PPP1R13B: variants seen among roughly 807,000 people sequenced by gnomAD.
The protein encoded by PPP1R13B is protein phosphatase 1 regulatory subunit 13B, also known as apoptosis-stimulating of p53 protein 1.
Under a neutral mutation model 119.8 loss-of-function variants are expected in PPP1R13B, and 44 were observed. The ratio of observed to expected loss-of-function variants is 0.37; its 90% CI spans 0.29 to 0.47. The LOEUF (loss-of-function observed/expected upper bound fraction) is 0.47, where lower values mean the gene tolerates loss of function less well. PPP1R13B is among the 20% of genes least tolerant of loss of function. The probability of loss-of-function intolerance (pLI) is 0.99; values close to 1 mark genes in which losing one functional copy is unlikely to be tolerated. For synonymous variants in PPP1R13B, 542 were observed against 561.5 expected, an observed-to-expected ratio of 0.97 and a Z score of 0.49; for missense variants, 1,227 against 1,413.5, an observed-to-expected ratio of 0.87 and a Z score of 2.12.
intron 1 of PPP1R13B, among the ~76,000 whole-genome samples, chr14:103,810,658 G>C (rs1414334867): frequency 6.6e-6 from 1 of 151,962 alleles, no homozygotes; most frequent in African/African-American, 2.4e-5. Flanking sequence ...TGTAGTCCCA[G>C]CTACTCGGGA....
upstream of PPP1R13B, chr14:103,848,246 C>T (rs1190132288): frequency 1.0e-6 from 1 of 985,150 alleles, no homozygotes; most frequent in Non-Finnish European, 1.2e-6. Context: ...TAGAACCCCG[C>T]GCCCACCTGT....
intron 5 of PPP1R13B, among the ~76,000 whole-genome samples, chr14:103,756,173 C>A (rs1233151123): frequency 1.3e-5 from 2 of 151,970 alleles, no homozygotes; most frequent in African/African-American, 4.8e-5. Flanking sequence ...CAGCTCACTG[C>A]AACCTCCACC....
chr14:103,755,412 T>C (rs1249246571), intron 5 of PPP1R13B, among the ~76,000 whole-genome samples: 4 of 152,248 alleles, frequency 2.6e-5, no homozygotes, highest in African/African-American at 4.8e-5. Flanking sequence ...TCAGGATTAT[T>C]TTCTTCAATA....
chr14:103,841,670 T>A (rs975540789), intron 1 of PPP1R13B, among the ~76,000 whole-genome samples: 3 of 152,172 alleles, frequency 2.0e-5, no homozygotes, highest in Non-Finnish European at 4.4e-5. Context: ...GGCTGTAAAA[T>A]CAAGCTTATC....
intron 1 of PPP1R13B, among the ~76,000 whole-genome samples, chr14:103,842,191 A>G (rs2086924310): frequency 6.6e-6 from 1 of 152,166 alleles, no homozygotes; most frequent in African/African-American, 2.4e-5. Flanking sequence ...AACATGCTGA[A>G]AGGGCTCCTA....
intron 1 of PPP1R13B, among the ~76,000 whole-genome samples, chr14:103,827,330 CA>C (rs981089546): frequency 6.6e-6 from 1 of 150,910 alleles, no homozygotes. Flanking sequence ...AGCGAGACTC[CA>C]AAAAAAAGAC....
chr14:103,770,845 G>T (rs2085050485), intron 4 of PPP1R13B, among the ~76,000 whole-genome samples: 1 of 152,178 alleles, frequency 6.6e-6, no homozygotes, highest in Non-Finnish European at 1.5e-5. Flanking sequence ...AAAATAAAGA[G>T]AAACCAGAAA....
At chr14:103,797,237 T>C in intron 2 of PPP1R13B, 134 bp downstream of exon 2, 1 of 783,346 alleles carries the variant, frequency 1.3e-6, no homozygotes, top group Non-Finnish European at 2.0e-6. Flanking sequence ...ATTTGATAAA[T>C]ACTAAATTAT....
intron 2 of PPP1R13B, among the ~76,000 whole-genome samples, chr14:103,789,024 C>T (rs948768730): frequency 5.9e-5 from 9 of 152,208 alleles, no homozygotes; most frequent in African/African-American, 1.9e-4. Flanking sequence ...GAAACATCTT[C>T]CCCAACACCT....
intron 1 of PPP1R13B, among the ~76,000 whole-genome samples, chr14:103,835,807 C>T (rs1383624445): frequency 1.3e-5 from 2 of 151,712 alleles, no homozygotes; most frequent in Non-Finnish European, 2.9e-5. Flanking sequence ...GACGGGGTTT[C>T]ACTGTGTTAG....
chr14:103,778,944 A>G, intron 3 of PPP1R13B, 123 bp from the exon 4 acceptor site: 1 of 766,124 alleles, frequency 1.3e-6, no homozygotes, highest in Non-Finnish European at 2.2e-6. Context: ...TGAGAAATTC[A>G]AGACTTTAGT....
intron 7 of PPP1R13B, among the ~76,000 whole-genome samples, chr14:103,750,833 A>AAAAC (rs202008591): frequency 8.2e-5 from 12 of 146,876 alleles, no homozygotes; most frequent in Non-Finnish European, 1.7e-4. Context: ...TCTGTCTCAA[A>AAAAC]AAACAAACAA....
At position 103,749,885 on chromosome 14, in the gene PPP1R13B, T is replaced by C. The variant is rs762334561; in HGVS notation, c.878A>G (p.Lys293Arg). Residue 293 changes from lysine (K) to arginine (R), a missense_variant, in exon 8 of 17, where the codon AAG becomes AGG. By Grantham distance (26) the Lys-to-Arg change is conservative (BLOSUM62 2). Transcript: ENST00000202556. ...CATGTTGCGCTTATTTAAGAGTTCC[T>C]TCTGCTGCTGAAGTTTTGAATTTTG... ...QEQNSKLQQQKELLNKRNMEV... is the reference protein window; with the variant it reads ...QEQNSKLQQQRELLNKRNMEV... 1.9e-6 allele frequency: 3 copies of C among 1,614,244 alleles called. No homozygotes were observed. The highest frequency in any genetic ancestry group is 2.2e-5 in the East Asian group (1 of 44,890).
At chr14:103,832,108 T>TA (rs757832334) in intron 1 of PPP1R13B, among the ~76,000 whole-genome samples, 4,345 of 139,324 alleles carry the variant, frequency 0.031, 186 homozygotes, top group African/African-American at 0.1. Flanking sequence ...CCCTATCTCT[T>TA]AAAAAAAAAA....
rs2084218726 is a variant in PPP1R13B at position 103,740,196 on chromosome 14, G to A, written c.2220C>T (p.Thr740=). The part of the protein sequence containing the change: ...FNTLAGGMEG[T]PFYQPSPSQD... ...GGGAGGGGCTGGGCTGGTAGAAAGG[G>A]GTGCCCTCCATGCCACCGGCCAGGG... Residue 740 remains threonine, a synonymous_variant, in exon 12 of 17, where the codon ACC becomes ACT. Coordinates refer to ENST00000202556, the MANE Select transcript of PPP1R13B (RefSeq NM_015316.3). This position sits in a 1 kb window ranked among gnomAD's most constrained non-coding sequence, Gnocchi z 4.6. 1.2e-6 allele frequency: 2 copies of A among 1,613,882 alleles called. No homozygotes were observed. The highest frequency in any genetic ancestry group is 1.7e-6 in the Non-Finnish European group (2 of 1,179,994).
chr14:103,774,071 G>T (rs561489320), intron 4 of PPP1R13B, among the ~76,000 whole-genome samples: 5 of 152,252 alleles, frequency 3.3e-5, no homozygotes, highest in Admixed American at 2.0e-4. Flanking sequence ...AAATGGTGCT[G>T]GGATAACTGG....
chr14:103,804,977 T>C (rs1373971502), intron 1 of PPP1R13B, among the ~76,000 whole-genome samples: 1 of 152,130 alleles, frequency 6.6e-6, no homozygotes, highest in Non-Finnish European at 1.5e-5. Flanking sequence ...GCTGGGATTA[T>C]AGGCGCACGC....
At chr14:103,829,348 T>C (rs567221744) in intron 1 of PPP1R13B, among the ~76,000 whole-genome samples, 66 of 152,338 alleles carry the variant, frequency 4.3e-4, no homozygotes, top group African/African-American at 1.3e-3. Flanking sequence ...TAAATGCCTA[T>C]GTGAAATTAA....
At chr14:103,843,564 T>C (rs1300571251) in intron 1 of PPP1R13B, among the ~76,000 whole-genome samples, 1 of 152,182 alleles carries the variant, frequency 6.6e-6, no homozygotes, top group Non-Finnish European at 1.5e-5. Flanking sequence ...ATTTTTAAAA[T>C]GTCATCCATT....
Sources: gnomAD v4.1 joint callset for allele counts (sites outside exome capture counted in the v4.1 genomes callset) on GRCh38, gnomAD v4.1.1 for gene constraint, Gnocchi (gnomAD v3.1) non-coding constraint, MANE v1.5 for transcripts, NCBI Gene and HGNC (gene_info 2026-07-23, HGNC 2026-07-21) for gene names.